The following PLXDC2 variants were observed in gnomAD, a reference collection of about 807,000 sequenced individuals.
PLXDC2 encodes plexin domain containing 2, also known as plexin domain-containing protein 2.
Under a neutral mutation model 68.9 loss-of-function variants are expected in PLXDC2, and 40 were observed. The observed-to-expected ratio is 0.58, with a 90% CI of 0.45 to 0.76. The LOEUF is 0.76. Ranked by LOEUF, PLXDC2 falls within the 30% of genes least tolerant of loss-of-function variation. PLXDC2 has a pLI of 0.00. For synonymous variants in PLXDC2, 243 were observed against 234.2 expected, an observed-to-expected ratio of 1.04 and a Z score of -0.34; for missense variants, 644 against 661.9, an observed-to-expected ratio of 0.97 and a Z score of 0.30.
At chr10:20,227,105 T>A (rs1349755579) in intron 12 of PLXDC2, among the ~76,000 whole-genome samples, 1 of 152,148 alleles carries the variant, frequency 6.6e-6, no homozygotes, top group Admixed American at 6.6e-5. Flanking sequence ...AAAACATCAA[T>A]TAACTTTGAT....
intron 1 of PLXDC2, among the ~76,000 whole-genome samples, chr10:19,947,356 C>A (rs1397225802): frequency 6.6e-6 from 1 of 152,152 alleles, no homozygotes; most frequent in Non-Finnish European, 1.5e-5. Context: ...CTGTTGAGTG[C>A]AGTAGTTGTA....
intron 4 of PLXDC2, among the ~76,000 whole-genome samples, chr10:20,130,770 TCTATTAATGTAGTATATCA>T (rs140154610): frequency 0.23 from 35,025 of 152,078 alleles, 5,095 homozygotes; most frequent in East Asian, 0.49. Context: ...TAATCTTCAT[TCTATTAATGTAGTATATCA>T]CATTTATTGA....
At chr10:19,868,350 G>T (rs1002989665) in intron 1 of PLXDC2, among the ~76,000 whole-genome samples, 3 of 152,060 alleles carry the variant, frequency 2.0e-5, no homozygotes, top group Admixed American at 2.0e-4. Flanking sequence ...AGCTTAATAG[G>T]TAGTTTTATA....
chr10:20,011,530 T>G (rs1323904409), intron 2 of PLXDC2, among the ~76,000 whole-genome samples: 1 of 152,208 alleles, frequency 6.6e-6, no homozygotes, highest in Non-Finnish European at 1.5e-5. Flanking sequence ...TCAGCTCATG[T>G]CCCTGTGGGG....
intron 1 of PLXDC2, among the ~76,000 whole-genome samples, chr10:19,971,194 T>C (rs960436697): frequency 6.6e-6 from 1 of 152,214 alleles, no homozygotes; most frequent in African/African-American, 2.4e-5. Context: ...TCACATTTTG[T>C]TGCTTACCTT....
intron 1 of PLXDC2, among the ~76,000 whole-genome samples, chr10:19,949,015 A>G (rs973663363): frequency 6.7e-6 from 1 of 150,260 alleles, no homozygotes; most frequent in Admixed American, 6.7e-5. Flanking sequence ...CTGTTGTCCC[A>G]GCTACTTGAG....
intron 1 of PLXDC2, among the ~76,000 whole-genome samples, chr10:19,979,381 A>ATT (rs747330816): frequency 4.0e-4 from 57 of 143,736 alleles, no homozygotes; most frequent in South Asian, 6.8e-4. Flanking sequence ...AGATAGATAG[A>ATT]TTTTTTTTTT....
At chr10:20,105,180 C>G (rs183070631) in intron 4 of PLXDC2, among the ~76,000 whole-genome samples, 10 of 152,162 alleles carry the variant, frequency 6.6e-5, no homozygotes, top group Non-Finnish European at 1.2e-4. Context: ...ACTCTCCACC[C>G]GCCTTTTATT....
At chr10:20,169,383 CA>C (rs1357014819) in intron 7 of PLXDC2, among the ~76,000 whole-genome samples, 1 of 152,100 alleles carries the variant, frequency 6.6e-6, no homozygotes, top group African/African-American at 2.4e-5. Flanking sequence ...TTTCGATTAC[CA>C]GAAAGTTTTA....
intron 6 of PLXDC2, among the ~76,000 whole-genome samples, chr10:20,156,333 ATGTTT>A (rs1834217153): frequency 1.3e-5 from 2 of 152,190 alleles, no homozygotes; most frequent in Admixed American, 6.5e-5. Flanking sequence ...GTATGTTTTT[ATGTTT>A]TAAGTGTACA....
intron 1 of PLXDC2, among the ~76,000 whole-genome samples, chr10:19,930,673 A>T (rs970321491): frequency 1.1e-4 from 16 of 151,924 alleles, no homozygotes; most frequent in Admixed American, 3.9e-4. Flanking sequence ...AATAAAAAAT[A>T]AAAAAAAGGC....
intron 1 of PLXDC2, among the ~76,000 whole-genome samples, chr10:19,867,188 C>G (rs1837436462): frequency 6.6e-6 from 1 of 151,272 alleles, no homozygotes; most frequent in African/African-American, 2.4e-5. Flanking sequence ...GCCTCAGCCT[C>G]TTGAGTATCT....
At position 19,899,692 on chromosome 10, in the gene PLXDC2, A is replaced by T. The variant is rs114121096; in HGVS notation, c.112+82501A>T. Among the ~76,000 whole-genome samples, 418 of 152,304 alleles carry T rather than the reference A, an allele frequency of 2.7e-3. 4 individuals are homozygous for T. The highest frequency in any genetic ancestry group is 9.7e-3 in the African/African-American group (405 of 41,574). On this transcript the variant is annotated intron_variant, in intron 1 of 13. Transcript: ENST00000377252. ...GTGAAGTTGTAAAAATCTATAAATC[A>T]TTCAACTTCATATAGTAGCCAAATA... is the stretch of plus-strand genomic sequence containing the variant.
intron 1 of PLXDC2, among the ~76,000 whole-genome samples, chr10:19,826,069 T>C (rs1836563214): frequency 6.6e-6 from 1 of 152,218 alleles, no homozygotes; most frequent in Non-Finnish European, 1.5e-5. Flanking sequence ...CAATGAAAAG[T>C]ATATATGAAA....
intron 12 of PLXDC2, among the ~76,000 whole-genome samples, chr10:20,235,609 A>G (rs1835422423): frequency 6.6e-6 from 1 of 152,192 alleles, no homozygotes; most frequent in African/African-American, 2.4e-5. Flanking sequence ...CTTTAGGTCC[A>G]GCAGTGTGAG....
chr10:20,164,803 C>T (rs1490998816), intron 7 of PLXDC2, among the ~76,000 whole-genome samples: 1 of 151,992 alleles, frequency 6.6e-6, no homozygotes, highest in Non-Finnish European at 1.5e-5. Flanking sequence ...TAATTTTGGA[C>T]TCTTTTTCTT....
intron 1 of PLXDC2, among the ~76,000 whole-genome samples, chr10:19,884,715 G>T (rs569994392): frequency 3.9e-5 from 6 of 152,154 alleles, no homozygotes; most frequent in Non-Finnish European, 8.8e-5. Flanking sequence ...GTATTCCATG[G>T]TGTATATGTG....
At chr10:19,884,670 G>A (rs945148807) in intron 1 of PLXDC2, among the ~76,000 whole-genome samples, 19 of 152,250 alleles carry the variant, frequency 1.2e-4, no homozygotes, top group South Asian at 4.1e-4. Flanking sequence ...ATGTCCCTAC[G>A]AAGGACATGA....
At chr10:19,899,652 T>G (rs1838125086) in intron 1 of PLXDC2, among the ~76,000 whole-genome samples, 2 of 152,172 alleles carry the variant, frequency 1.3e-5, no homozygotes, top group Non-Finnish European at 2.9e-5. Flanking sequence ...ATCACTAAAT[T>G]CTTATGGGGA....
Sources: gnomAD v4.1 joint callset for allele counts (sites outside exome capture counted in the v4.1 genomes callset) on GRCh38, gnomAD v4.1.1 for gene constraint, MANE v1.5 for transcripts, NCBI Gene and HGNC (gene_info 2026-07-23, HGNC 2026-07-21) for gene names.